Variants in RBM6 observed in about 807,000 individuals in gnomAD.
The protein encoded by RBM6 is RNA binding motif protein 6, also known as RNA-binding protein 6.
A neutral mutation model predicts 140.4 loss-of-function variants in RBM6; 23 were observed. The ratio of observed to expected loss-of-function variants is 0.16; its 90% CI spans 0.12 to 0.23. The LOEUF (loss-of-function observed/expected upper bound fraction) is 0.23. Among genes scored for constraint, RBM6 ranks in the 10% least tolerant of loss-of-function variants. The probability of loss-of-function intolerance (pLI) is 1.00; values close to 1 mark genes in which losing one functional copy is unlikely to be tolerated. For missense variants in RBM6, 1,139 were observed against 1,386.7 expected (o/e 0.82, Z 2.84); for synonymous variants, 439 against 475.6 (o/e 0.92, Z 1.00).
chr3:49,981,951 C>T (rs566423928), intron 5 of RBM6, among the ~76,000 whole-genome samples: 35 of 152,238 alleles, frequency 2.3e-4, no homozygotes, highest in African/African-American at 7.9e-4. Flanking sequence ...CCTAATAAGG[C>T]TCAAACATAG....
chr3:49,984,111 G>A (rs771793416), intron 5 of RBM6, among the ~76,000 whole-genome samples: 3 of 152,116 alleles, frequency 2.0e-5, no homozygotes, highest in Non-Finnish European at 2.9e-5. Context: ...GGGCAACATG[G>A]TGAAACTCTA....
chr3:49,954,646 C>G lies in RBM6; in HGVS notation c.-66-7930C>G, dbSNP rs866012295. Among the ~76,000 whole-genome samples, 6 of 151,934 alleles carry G rather than the reference C, an allele frequency of 3.9e-5. No individual in the cohort carries two copies. The East Asian group carries it at 5.8e-4, about 15-fold the overall frequency. ...CTATACTATGTCAGTGCCACACTGT[C>G]TTGATTACTGTAGCTTTGTGGTGAG... On this transcript the variant is annotated intron_variant, in intron 1 of 20. Transcript: ENST00000266022.
chr3:50,068,714 A>G lies in RBM6; in HGVS notation c.2968A>G (p.Ile990Val). The part of the protein sequence containing the change: ...HKQNLEIHRK[I>V]KQSEQELAYL... The stretch of plus-strand genomic sequence containing the variant: ...GCAAAACCTGGAAATCCACCGGAAG[A>G]TAAAACAGTCTGAGCAGGAGCTAGC... Residue 990 changes from isoleucine (I) to valine (V), a missense_variant, in exon 18 of 21, where the codon ATA becomes GTA. By Grantham distance (29) the Ile-to-Val change is conservative (BLOSUM62 3). This residue lies in a region of RBM6 where 40 missense variants were observed against 80.1 expected (regional missense o/e 0.50). Transcript: ENST00000266022. The G allele has an allele frequency of 6.2e-7, 1 of 1,614,168 alleles. No individual in the cohort carries two copies. The highest frequency in any genetic ancestry group is 8.5e-7 in the Non-Finnish European group (1 of 1,179,996).
chr3:50,038,750 G>A (rs553022129), intron 6 of RBM6, among the ~76,000 whole-genome samples: 31 of 152,222 alleles, frequency 2.0e-4, no homozygotes, highest in East Asian at 7.7e-4. Context: ...GGAGAATGGC[G>A]TGAACCCAGG....
rs2090126565 is a variant in RBM6, at chr3:50,066,494, C to T, written c.2935C>T (p.Leu979=). The T allele has an allele frequency of 2.5e-6, 4 of 1,613,238 alleles. No homozygotes were observed. The highest frequency in any genetic ancestry group is 1.6e-4 in the Middle Eastern group (1 of 6,062). The change falls in exon 17 of 21, where the codon CTG becomes TTG. Residue 979 remains leucine, a synonymous_variant. Coordinates refer to ENST00000266022, the MANE Select transcript of RBM6 (RefSeq NM_005777.3). ...VLIKHQQLSD[L]HKQNLEIHRK... ...GATCAAACACCAGCAGCTGTCAGAC[C>T]TGCACAAGGTATTAGGGGAAGGAGC... is the stretch of plus-strand genomic sequence containing the variant.
At chr3:49,992,956 G>A (rs1035517749) in intron 5 of RBM6, among the ~76,000 whole-genome samples, 3 of 152,198 alleles carry the variant, frequency 2.0e-5, no homozygotes, top group Non-Finnish European at 2.9e-5. Context: ...TGCAGATTGA[G>A]TATATTTGTT....
intron 6 of RBM6, among the ~76,000 whole-genome samples, chr3:50,029,499 C>T (rs2088025313): frequency 6.6e-6 from 1 of 152,176 alleles, no homozygotes; most frequent in African/African-American, 2.4e-5. Context: ...CTTTGGGAGG[C>T]TGAGGCGGGC....
chr3:50,002,699 C>G (rs1051408326), intron 6 of RBM6, among the ~76,000 whole-genome samples: 1 of 152,024 alleles, frequency 6.6e-6, no homozygotes, highest in African/African-American at 2.4e-5. Flanking sequence ...GCCTGGCCTT[C>G]AATTATAATT....
chr3:50,058,276 AT>A, intron 9 of RBM6, 125 bp from the exon 10 acceptor site: 11 of 1,142,056 alleles, frequency 9.6e-6, no homozygotes, highest in East Asian at 2.4e-5. Context: ...TTTGTTTAGC[AT>A]TTTTTTACAG....
intron 5 of RBM6, among the ~76,000 whole-genome samples, chr3:49,997,164 CTT>C (rs1048582784): frequency 6.9e-6 from 1 of 144,720 alleles, no homozygotes; most frequent in African/African-American, 2.5e-5. Flanking sequence ...CACAGAATAC[CTT>C]TTTTTTTTTT....
chr3:50,010,900 C>CAAA (rs776065398), intron 6 of RBM6, among the ~76,000 whole-genome samples: 5,023 of 51,630 alleles, frequency 0.097, 909 homozygotes, highest in Middle Eastern at 0.2. Flanking sequence ...AAGACTGTCT[C>CAAA]AAAAAAAAAA....
intron 5 of RBM6, among the ~76,000 whole-genome samples, chr3:49,977,145 C>T (rs2085098432): frequency 6.6e-6 from 1 of 152,194 alleles, no homozygotes; most frequent in African/African-American, 2.4e-5. Flanking sequence ...TCTTACAAAC[C>T]CATGCGTGAG....
At chr3:50,031,428 T>C (rs944753894) in intron 6 of RBM6, among the ~76,000 whole-genome samples, 9 of 152,174 alleles carry the variant, frequency 5.9e-5, no homozygotes, top group African/African-American at 1.4e-4. Context: ...TCATGTCCTT[T>C]GTAGGGACAT....
intron 1 of RBM6, among the ~76,000 whole-genome samples, chr3:49,947,262 A>AGGGG (rs71080561): frequency 1.0e-4 from 6 of 60,020 alleles, no homozygotes; most frequent in Admixed American, 9.3e-4. Flanking sequence ...AAAAAAAAAA[A>AGGGG]GGGGGGGGGG....
At chr3:50,042,932 T>G (rs2089009864) in intron 6 of RBM6, among the ~76,000 whole-genome samples, 1 of 152,024 alleles carries the variant, frequency 6.6e-6, no homozygotes, top group African/African-American at 2.4e-5. Context: ...TCAGCAGCCC[T>G]CCAGACCCAG....
intron 1 of RBM6, among the ~76,000 whole-genome samples, chr3:49,948,157 G>T (rs1206487216): frequency 6.6e-6 from 1 of 152,140 alleles, no homozygotes; most frequent in African/African-American, 2.4e-5. Flanking sequence ...TCTCCATTCA[G>T]TTGATTGGTC....
intron 6 of RBM6, among the ~76,000 whole-genome samples, chr3:50,004,583 G>C (rs1159124396): frequency 6.6e-6 from 1 of 151,444 alleles, no homozygotes; most frequent in Non-Finnish European, 1.5e-5. Context: ...AAAGCACTGG[G>C]ATTCCAGGTG....
chr3:49,994,574 C>T (rs1265226228), intron 5 of RBM6, among the ~76,000 whole-genome samples: 4 of 151,970 alleles, frequency 2.6e-5, no homozygotes, highest in Non-Finnish European at 5.9e-5. Context: ...AAGTTAAGAC[C>T]TCTTCAATCT....
At position 49,968,454 on chromosome 3, in the gene RBM6, A is replaced by C. The variant is rs2084611645; in HGVS notation, c.1029A>C (p.Glu343Asp). ...AGCATTCAGAAACAAGAGAAGGAGAAACACAAGGTGTAGCCTTTGAACATG... is the reference window on the plus strand; with the variant it reads ...AGCATTCAGAAACAAGAGAAGGAGACACACAAGGTGTAGCCTTTGAACATG... ...EFEHSETREG[E>D]TQGVAFEHES... The change falls in exon 3 of 21, where the codon GAA becomes GAC. Residue 343 changes from glutamate to aspartate, a missense_variant. Around this residue, in one of 9 missense-constraint regions of RBM6, gnomAD observed 566 missense variants for 612.7 expected, o/e 0.92. Transcript: ENST00000266022. 2.5e-6 allele frequency: 4 copies of C among 1,614,076 alleles called. No individual in the cohort carries two copies. Among genetic ancestry groups the C allele is most frequent in the Admixed American group, 3.3e-5 (2 of 59,986 alleles).
Sources: allele counts gnomAD v4.1 joint callset (sites outside exome capture counted in the v4.1 genomes callset), GRCh38; gene constraint gnomAD v4.1.1; regional missense constraint gnomAD v4.1.1; transcripts MANE v1.5; gene names NCBI Gene and HGNC (gene_info 2026-07-23, HGNC 2026-07-21).